Variants in LACTBL1 observed in about 807,000 individuals in gnomAD.
The protein encoded by LACTBL1 is lactamase beta like 1, also known as beta-lactamase-like protein 1.
A neutral mutation model predicts 39.6 loss-of-function variants in LACTBL1; 29 were observed. That is an observed-to-expected ratio of 0.73 (90% confidence interval 0.55 to 1.00). LACTBL1 has a LOEUF of 1.00. LACTBL1 is among the 50% of genes least tolerant of loss of function. The pLI is 0.00. For synonymous variants in LACTBL1, 361 were observed against 360.7 expected, an observed-to-expected ratio of 1.00 and a Z score of -0.01; for missense variants, 711 against 748.5, an observed-to-expected ratio of 0.95 and a Z score of 0.59.
At chr1:22,956,856 A>G (rs2124225980) in intron 4 of LACTBL1, among the ~76,000 whole-genome samples, 1 of 152,256 alleles carries the variant, frequency 6.6e-6, no homozygotes, top group East Asian at 1.9e-4. Flanking sequence ...TAATTAATTT[A>G]CATGATTTAA....
rs78637995 is a variant in LACTBL1, at chr1:22,961,067, G to A, written c.160-968C>T. On this transcript the variant is annotated intron_variant, in intron 2 of 5. Coordinates refer to ENST00000426928, the Ensembl canonical transcript of LACTBL1. Reference sequence around the variant, plus strand: ...CATGCTGTGATTACAGGTGTGAGCCGCCTCACCTAGCCTGAACATTTATTG... The same window carrying A: ...CATGCTGTGATTACAGGTGTGAGCCACCTCACCTAGCCTGAACATTTATTG... Among the ~76,000 whole-genome samples the A allele has an allele frequency of 1.7e-3, 260 of 151,998 alleles. 1 individual carries two copies. The highest frequency in any genetic ancestry group is 6.1e-3 in the African/African-American group (253 of 41,458).
chr1:22,963,089 TC>T lies in LACTBL1; in HGVS notation c.159+17del. 3.2e-6 allele frequency: 4 copies of T among 1,261,812 alleles called. No homozygotes were observed. The highest frequency in any genetic ancestry group is 4.0e-6 in the Non-Finnish European group (4 of 990,496). The allele number at this position is 1,261,812 out of a possible 1,614,324, so 78.2% of individuals were successfully genotyped here. A position where few individuals can be genotyped will look rare whatever the true frequency, so the allele number is the denominator to read the frequency against. ...GGCCCAGCCCATATGCCCAGTTTCC[TC>T]CTGGGTCATCACTGACCTTTTCCAG... On this transcript the variant is annotated intron_variant, in intron 2 of 5. Coordinates refer to ENST00000426928, the Ensembl canonical transcript of LACTBL1.
In LACTBL1 at chr1:22,955,418, T is replaced by C. The variant is rs563896803; in HGVS notation, c.562A>G (p.Arg188Gly). Reference sequence around the variant, plus strand: ...AGCAGTGAAGTGGAGCGCAGCCTTCTGGGCAGCCCTAGGGAGGAGCAGTGG... The same window carrying C: ...AGCAGTGAAGTGGAGCGCAGCCTTCCGGGCAGCCCTAGGGAGGAGCAGTGG... The change falls in exon 5 of 6, where the codon AGA (arginine) becomes GGA (glycine). Residue 188 changes from arginine (R) to glycine (G), a missense_variant. Physicochemically the swap from Arg to Gly is moderately radical, Grantham distance 125 (BLOSUM62 -2). Transcript: ENST00000426928. The C allele has an allele frequency of 3.0e-5, 46 of 1,549,358 alleles. No homozygotes were observed. In the South Asian group the frequency reaches 5.2e-4, roughly 18 times the overall value.
chr1:22,960,849 A>C (rs1022992515), intron 2 of LACTBL1, among the ~76,000 whole-genome samples: 3 of 152,032 alleles, frequency 2.0e-5, no homozygotes, highest in Non-Finnish European at 2.9e-5. Flanking sequence ...GCTCAAGCAC[A>C]GCTCACTGCA....
upstream of LACTBL1, chr1:22,965,375 C>T (rs1216645793): frequency 6.3e-6 from 8 of 1,265,526 alleles, no homozygotes; most frequent in African/African-American, 1.5e-5. Context: ...TGCAGATGGC[C>T]GGGAGGAGCC....
chr1:22,955,175 C>T lies in LACTBL1; in HGVS notation c.659+146G>A, dbSNP rs917655319. 11 of 615,566 alleles carry T rather than the reference C, an allele frequency of 1.8e-5. No individual in the cohort carries two copies. The Admixed American group carries it at 2.8e-4, about 16-fold the overall frequency. 38.1% of individuals were successfully genotyped at this position (615,566 alleles called of 1,614,324 possible). On this transcript the variant is annotated intron_variant, in intron 5 of 5. Transcript: ENST00000426928. Reference sequence around the variant, plus strand: ...CTCCCCTGTCTTGCTGGCCTCCCCTCTCTAGGTCTTGCCCTTTGCAGCTGG... The same window carrying T: ...CTCCCCTGTCTTGCTGGCCTCCCCTTTCTAGGTCTTGCCCTTTGCAGCTGG...
At chr1:22,966,557 T>C (rs1188586612), upstream of LACTBL1, among the ~76,000 whole-genome samples, 1 of 152,240 alleles carries the variant, frequency 6.6e-6, no homozygotes, top group African/African-American at 2.4e-5. Context: ...CCAATCCATT[T>C]GACAGTTTAA....
chr1:22,972,139 AG>A, the LACTBL1 span, among the ~76,000 whole-genome samples: 1 of 148,264 alleles, frequency 6.7e-6, no homozygotes, highest in South Asian at 2.2e-4. Context: ...CAAGCTCTAG[AG>A]ATGATGATGA....
At chr1:22,971,121 T>C in the LACTBL1 span, among the ~76,000 whole-genome samples, 1 of 152,256 alleles carries the variant, frequency 6.6e-6, no homozygotes. Context: ...TTAGCTTATT[T>C]TTAGGTGAAG....
At chr1:22,965,314 A>G in exon 1 of LACTBL1, 3 of 1,321,190 alleles carry the variant, frequency 2.3e-6, no homozygotes, top group Non-Finnish European at 2.9e-6. Context: ...GGGAGGTGAT[A>G]CTGCCACAGG....
At chr1:22,956,735 G>A (rs1640766007) in intron 4 of LACTBL1, among the ~76,000 whole-genome samples, 1 of 151,914 alleles carries the variant, frequency 6.6e-6, no homozygotes, top group Admixed American at 6.6e-5. Context: ...CCCAATTCCC[G>A]TGCCCCAGCT....
intron 2 of LACTBL1, among the ~76,000 whole-genome samples, chr1:22,960,603 G>A (rs997596680): frequency 2.6e-5 from 3 of 117,480 alleles, no homozygotes; most frequent in African/African-American, 1.1e-4. Context: ...GGCAGCAAGA[G>A]CGAAACTCCG....
chr1:22,957,640 CTTTTTTTTT>C (rs34603019), intron 4 of LACTBL1, among the ~76,000 whole-genome samples: 19 of 56,684 alleles, frequency 3.4e-4, no homozygotes, highest in Admixed American at 5.2e-4. Context: ...TCTTAATATT[CTTTTTTTTT>C]TTTTTTTTTT....
At chr1:22,953,799 C>A in exon 6 of LACTBL1, 1 of 1,544,608 alleles carries the variant, frequency 6.5e-7, no homozygotes, top group Non-Finnish European at 8.7e-7. Context: ...ACATCTGGCC[C>A]GACGGCCGGT....
chr1:22,966,466 C>T (rs1454896230), upstream of LACTBL1, among the ~76,000 whole-genome samples: 1 of 152,204 alleles, frequency 6.6e-6, no homozygotes, highest in African/African-American at 2.4e-5. Flanking sequence ...CACGCAATCC[C>T]TCAGTGGTGA....
exon 3 of LACTBL1, chr1:22,960,059 A>T (rs1444059491): frequency 6.4e-7 from 1 of 1,550,592 alleles, no homozygotes; most frequent in African/African-American, 1.4e-5. Context: ...CATGGCAGCC[A>T]CGCCTGGGGC....
At chr1:22,962,321 C>G (rs1230058262) in intron 2 of LACTBL1, among the ~76,000 whole-genome samples, 1 of 152,148 alleles carries the variant, frequency 6.6e-6, no homozygotes, top group Non-Finnish European at 1.5e-5. Flanking sequence ...CTCAACAGCC[C>G]TTTCCCTTTA....
At chr1:22,955,673 T>C (rs1640754654) in intron 4 of LACTBL1, among the ~76,000 whole-genome samples, 1 of 152,162 alleles carries the variant, frequency 6.6e-6, no homozygotes. Context: ...AAATAATCCT[T>C]GTACCCAAGG....
At chr1:22,962,877 A>C (rs1640839338) in intron 2 of LACTBL1, among the ~76,000 whole-genome samples, 1 of 152,114 alleles carries the variant, frequency 6.6e-6, no homozygotes, top group African/African-American at 2.4e-5. Context: ...AGGATTATAA[A>C]TGTTTGGTAT....
Sources: allele counts gnomAD v4.1 joint callset (sites outside exome capture counted in the v4.1 genomes callset), GRCh38; gene constraint gnomAD v4.1.1; transcripts MANE v1.5; gene names NCBI Gene and HGNC (gene_info 2026-07-23, HGNC 2026-07-21).